Variants in ZNF683 observed in about 807,000 individuals in gnomAD.
ZNF683 encodes the protein tissue-resident T-cell transcription regulator protein ZNF683.
Under a neutral mutation model 31.4 loss-of-function variants are expected in ZNF683, and 20 were observed. That is an observed-to-expected ratio of 0.64 (90% confidence interval 0.45 to 0.93). ZNF683 has a LOEUF of 0.93. Among genes scored for constraint, ZNF683 ranks in the 40% least tolerant of loss-of-function variants. The pLI is 0.00. For synonymous variants in ZNF683, 264 were observed against 267.6 expected (o/e 0.99, Z 0.13); for missense variants, 621 against 637.2 (o/e 0.97, Z 0.27).
At chr1:26,372,554 G>A (rs771646748) in intron 1 of ZNF683, 115 bp downstream of exon 1, 1 of 1,305,042 alleles carries the variant, frequency 7.7e-7, no homozygotes, top group South Asian at 1.2e-5. Context: ...CCATCTGCCA[G>A]CTCTGCCCTC....
chr1:26,368,488 G>A lies in ZNF683; in HGVS notation c.84C>T (p.Ser28=). The part of the protein sequence containing the change: ...LGGTGGSLSP[S]LDFQLFRGDQ... ...CACCTCGGAAGAGCTGGAAGTCCAG[G>A]CTGGGGGACAGGGAGCCCCCTGTAC... is the stretch of plus-strand genomic sequence containing the variant. The change falls in exon 2 of 6, where the codon AGC becomes AGT. Residue 28 remains serine, a synonymous_variant. Coordinates refer to ENST00000349618, the MANE Select transcript of ZNF683 (RefSeq NM_001114759.3). 6.3e-7 allele frequency: 1 copy of A among 1,599,722 alleles called. No homozygotes were observed. Among genetic ancestry groups the A allele is most frequent in the Non-Finnish European group, 8.5e-7 (1 of 1,173,482 alleles).
intron 5 of ZNF683, among the ~76,000 whole-genome samples, chr1:26,362,678 G>A (rs1369729990): frequency 1.3e-5 from 2 of 152,150 alleles, no homozygotes; most frequent in Non-Finnish European, 2.9e-5. Flanking sequence ...ATGTGGCCAG[G>A]CTCACAGAAG....
chr1:26,374,415 T>C, upstream of ZNF683: 2 of 1,223,342 alleles, frequency 1.6e-6, no homozygotes, highest in Middle Eastern at 2.3e-4. Flanking sequence ...TCTCCAATCC[T>C]GAAAGCTCCC....
Position 26,364,961 on chromosome 1 carries a change from T to C in ZNF683, c.585A>G (p.Gly195=), listed in dbSNP as rs762271807. The C allele has an allele frequency of 4.5e-6, 7 of 1,566,706 alleles. No individual in the cohort carries two copies. The South Asian group carries it at 8.6e-5, about 19-fold the overall frequency. Residue 195 remains glycine (G), a synonymous_variant, in exon 4 of 6, where the codon GGA becomes GGG. Coordinates refer to ENST00000349618, the MANE Select transcript of ZNF683 (RefSeq NM_001114759.3). ...LPFLLHAFYP[G]YPLLLPPPHL... ...GGGGTGGAGGCAGGAGAAGTGGGTATCCAGGGTAGAAGGCGTGGAGGAGAA... is the reference window on the plus strand; with the variant it reads ...GGGGTGGAGGCAGGAGAAGTGGGTACCCAGGGTAGAAGGCGTGGAGGAGAA...
chr1:26,369,222 G>T (rs1036355184), intron 1 of ZNF683, among the ~76,000 whole-genome samples: 9 of 151,582 alleles, frequency 5.9e-5, no homozygotes, highest in African/African-American at 1.9e-4. Context: ...TCAAGCCTGG[G>T]CAACAGAATG....
rs115487239 is a variant in ZNF683 at position 26,365,580 on chromosome 1, A to G, written c.320-354T>C. ...ATGCATGACTAGATTTACATTAATT[A>G]CAATGATTCTAATAAAAAATGAAGT... On this transcript the variant is annotated intron_variant, in intron 3 of 5. Transcript: ENST00000349618. Among the ~76,000 whole-genome samples, 1,198 of 152,348 alleles carry G rather than the reference A, an allele frequency of 7.9e-3. 15 individuals carry two copies. Among genetic ancestry groups the G allele is most frequent in the African/African-American group, 0.027 (1,141 of 41,568 alleles).
chr1:26,371,275 C>G (rs1016386743), intron 1 of ZNF683, among the ~76,000 whole-genome samples: 2 of 152,180 alleles, frequency 1.3e-5, no homozygotes, highest in Non-Finnish European at 2.9e-5. Context: ...GTTCTATCCT[C>G]TAATCTAGAG....
In ZNF683 at chr1:26,364,957, G is replaced by C. The variant is rs144836377; in HGVS notation, c.589C>G (p.Pro197Ala). 3 of 1,563,180 alleles carry C rather than the reference G, an allele frequency of 1.9e-6. No individual in the cohort carries two copies. In the African/African-American group the frequency reaches 4.1e-5, roughly 21 times the overall value. Residue 197 changes from proline to alanine, a missense_variant, in exon 4 of 6, where the codon CCA becomes GCA. Physicochemically the swap from Pro to Ala is conservative, Grantham distance 27. Coordinates refer to ENST00000349618, the MANE Select transcript of ZNF683 (RefSeq NM_001114759.3). ...AGGTGGGGTGGAGGCAGGAGAAGTGGGTATCCAGGGTAGAAGGCGTGGAGG... is the reference window on the plus strand; with the variant it reads ...AGGTGGGGTGGAGGCAGGAGAAGTGCGTATCCAGGGTAGAAGGCGTGGAGG... Reference protein sequence around the residue: ...FLLHAFYPGYPLLLPPPHLFT... With the variant: ...FLLHAFYPGYALLLPPPHLFT...
At position 26,365,144 on chromosome 1, in the gene ZNF683, C is replaced by T. The variant is rs746883873; in HGVS notation, c.402G>A (p.Leu134=). ...TVKYPQNKDK[L]GKQPERAGEG... is the part of the protein sequence containing the mutation. ...CGCCAGCTCTTTCTGGCTGTTTTCC[C>T]AGCTTGTCCTTGTTCTGTGGGTACT... Residue 134 remains leucine (L), a synonymous_variant, in exon 4 of 6, where the codon CTG becomes CTA. Coordinates refer to ENST00000349618, the MANE Select transcript of ZNF683 (RefSeq NM_001114759.3). 1 of 1,609,820 alleles carries T rather than the reference C, an allele frequency of 6.2e-7. No homozygotes were observed. The highest frequency in any genetic ancestry group is 1.1e-5 in the South Asian group (1 of 90,254).
rs141521105 is a variant in ZNF683 at position 26,367,598 on chromosome 1, C to G, written c.314G>C (p.Ser105Thr). 6.2e-7 allele frequency: 1 copy of G among 1,600,390 alleles called. No individual in the cohort carries two copies. Among genetic ancestry groups the G allele is most frequent in the Non-Finnish European group, 8.5e-7 (1 of 1,174,056 alleles). ...GCCCGGTGCCCTGGGCTTACTCATG[C>G]TCAAGGCGTCCTCTTGGAGGCCCTG... ...DLQGLQEDALSMKHEPPGLQA... is the reference protein window; with the variant it reads ...DLQGLQEDALTMKHEPPGLQA... The change falls in exon 3 of 6, where the codon AGC becomes ACC. Residue 105 changes from serine (S) to threonine (T), a missense_variant. Physicochemically the swap from Ser to Thr is moderately conservative, Grantham distance 58 (BLOSUM62 1). Transcript: ENST00000349618.
Position 26,367,584 on chromosome 1 carries a change from T to C in ZNF683, c.319+9A>G, listed in dbSNP as rs561867058. ...CAGGCGCAGGTGCAGCCCGGTGCCC[T>C]GGGCTTACTCATGCTCAAGGCGTCC... is the stretch of plus-strand genomic sequence containing the variant. On this transcript the variant is annotated intron_variant, in intron 3 of 5. Coordinates refer to ENST00000349618, the MANE Select transcript of ZNF683 (RefSeq NM_001114759.3). The C allele has an allele frequency of 8.4e-5, 133 of 1,580,816 alleles. No homozygotes were observed. The South Asian group carries it at 1.4e-3, about 17-fold the overall frequency.
chr1:26,370,375 G>A (rs1215061354), intron 1 of ZNF683, among the ~76,000 whole-genome samples: 2 of 152,264 alleles, frequency 1.3e-5, no homozygotes, highest in African/African-American at 2.4e-5. Context: ...ACAGAGAGAC[G>A]CGAGTGCCCA....
rs1223238238 is a variant in ZNF683 at position 26,367,780 on chromosome 1, T to C, written c.132A>G (p.Arg44=). 1 of 1,596,696 alleles carries C rather than the reference T, an allele frequency of 6.3e-7. No homozygotes were observed. Among genetic ancestry groups the C allele is most frequent in the Non-Finnish European group, 8.5e-7 (1 of 1,169,792 alleles). ...FRGDQVFSAC[R]PLPDMVDAHG... ...GAGCATCCACCATGTCTGGAAGTGGTCTGCAGGCTGAGAAGACCTGGAGGG... is the reference window on the plus strand; with the variant it reads ...GAGCATCCACCATGTCTGGAAGTGGCCTGCAGGCTGAGAAGACCTGGAGGG... The change falls in exon 3 of 6, where the codon AGA becomes AGG. Residue 44 remains arginine (R), a synonymous_variant. Coordinates refer to ENST00000349618, the MANE Select transcript of ZNF683 (RefSeq NM_001114759.3).
At chr1:26,362,300 C>T in intron 5 of ZNF683, 5 of 926,964 alleles carry the variant, frequency 5.4e-6, no homozygotes, top group Non-Finnish European at 8.6e-6. Context: ...TAATACCTAG[C>T]TTCATAGATA....
At chr1:26,367,206 C>T (rs1428769771) in intron 3 of ZNF683, among the ~76,000 whole-genome samples, 1 of 151,878 alleles carries the variant, frequency 6.6e-6, no homozygotes, top group East Asian at 1.9e-4. Context: ...GCAGAGGTTG[C>T]GGTGACTGGA....
chr1:26,363,346 GGTACCCCAGGTATATT>G (rs1174637398), intron 4 of ZNF683, among the ~76,000 whole-genome samples, 192 bp from the exon 5 acceptor site: 1 of 152,188 alleles, frequency 6.6e-6, no homozygotes, highest in Non-Finnish European at 1.5e-5. Context: ...AGGGGTAAGA[GGTACCCCAGGTATATT>G]GTGGAACACT....
chr1:26,366,342 CAAAAAA>C (rs1173737722), intron 3 of ZNF683, among the ~76,000 whole-genome samples: 19 of 68,998 alleles, frequency 2.8e-4, no homozygotes, highest in Non-Finnish European at 4.5e-4. Context: ...CAGCCTATCT[CAAAAAA>C]AAAAAAAAAA....
At chr1:26,367,016 G>A (rs1369534352) in intron 3 of ZNF683, among the ~76,000 whole-genome samples, 1 of 152,180 alleles carries the variant, frequency 6.6e-6, no homozygotes, top group African/African-American at 2.4e-5. Flanking sequence ...TATAATTCCA[G>A]CACTTTGGGT....
At chr1:26,366,124 G>A (rs1220208224) in intron 3 of ZNF683, among the ~76,000 whole-genome samples, 1 of 151,940 alleles carries the variant, frequency 6.6e-6, no homozygotes. Context: ...AGATTGCGGT[G>A]AGCCGAGATC....
Sources: allele counts gnomAD v4.1 joint callset (sites outside exome capture counted in the v4.1 genomes callset), GRCh38; gene constraint gnomAD v4.1.1; transcripts MANE v1.5; gene names NCBI Gene and HGNC (gene_info 2026-07-23, HGNC 2026-07-21).